SCN4A: variants seen among roughly 807,000 people sequenced by gnomAD.
SCN4A encodes sodium voltage-gated channel alpha subunit 4.
A neutral mutation model predicts 162.0 loss-of-function variants in SCN4A; 83 were observed. The observed-to-expected ratio is 0.51, with a 90% CI of 0.43 to 0.61. The LOEUF (loss-of-function observed/expected upper bound fraction) is 0.61, where lower values mean the gene tolerates loss of function less well. SCN4A is among the 20% of genes least tolerant of loss of function. The probability of loss-of-function intolerance (pLI) is 0.00; values close to 1 mark genes in which losing one functional copy is unlikely to be tolerated. For missense variants in SCN4A, 2,196 were observed against 2,462.5 expected, an observed-to-expected ratio of 0.89 and a Z score of 2.29; for synonymous variants, 944 against 985.1, an observed-to-expected ratio of 0.96 and a Z score of 0.78.
chr17:63,946,338 G>T lies in SCN4A; in HGVS notation c.3442-700C>A, dbSNP rs561099959. On this transcript the variant is annotated intron_variant, in intron 18 of 23. Transcript: ENST00000435607. ...GGGCCCAGCATTCGGCTGGCCTCTT[G>T]CAGGGACAGGAAGGGGCCGCTTGGG... Among the ~76,000 whole-genome samples, 7 of 152,220 alleles carry T rather than the reference G, an allele frequency of 4.6e-5. No homozygotes were observed. The East Asian group carries it at 1.4e-3, about 30-fold the overall frequency.
At position 63,968,007 on chromosome 17, in the gene SCN4A, C is replaced by T. The variant is rs777233905; in HGVS notation, c.1036+16G>A. On this transcript the variant is annotated intron_variant, in intron 6 of 23. Transcript: ENST00000435607. ...GGGACAGGATCCCCCTTGCCCGTCACCCTCCCCATTCTTACCTTCATCACT... is the reference window on the plus strand; with the variant it reads ...GGGACAGGATCCCCCTTGCCCGTCATCCTCCCCATTCTTACCTTCATCACT... 13 of 1,607,970 alleles carry T rather than the reference C, an allele frequency of 8.1e-6. No individual in the cohort carries two copies. Among genetic ancestry groups the T allele is most frequent in the Middle Eastern group, 1.6e-4 (1 of 6,074 alleles).
At chr17:63,966,931 G>A (rs1331927441) in intron 6 of SCN4A, among the ~76,000 whole-genome samples, 1 of 151,876 alleles carries the variant, frequency 6.6e-6, no homozygotes, top group Admixed American at 6.6e-5. Flanking sequence ...TAATTTGCAA[G>A]AAGGCGCTAT....
At position 63,956,624 on chromosome 17, in the gene SCN4A, A is replaced by G. The variant is rs61650827; in HGVS notation, c.2376+538T>C. ...GCCAGGAGGCCCAGGTTCCCCCACA[A>G]AACTGTGCCTTTGTACACACTATGG... On this transcript the variant is annotated intron_variant, in intron 13 of 23. Transcript: ENST00000435607. Among the ~76,000 whole-genome samples the G allele has an allele frequency of 4.1e-3, 619 of 152,368 alleles. 3 individuals are homozygous for G. Among genetic ancestry groups the G allele is most frequent in the African/African-American group, 0.014 (574 of 41,574 alleles).
rs368163023 is a variant in SCN4A at position 63,972,515 on chromosome 17, G to T, written c.274-45C>A. The T allele has an allele frequency of 1.0e-5, 16 of 1,605,454 alleles. No homozygotes were observed. In the African/African-American group the frequency reaches 1.2e-4, roughly 12 times the overall value. On this transcript the variant is annotated intron_variant, in intron 1 of 23. Transcript: ENST00000435607. The surrounding 1 kb of genome is among the most constrained non-coding windows in gnomAD (Gnocchi z 4.3). ...GTGAGACCCAGGGACAGACAGACAG[G>T]CAGACAGATGGATGGATGGCAGACA... is the stretch of plus-strand genomic sequence containing the variant.
intron 7 of SCN4A, 21 bp downstream of exon 7, chr17:63,966,460 G>A: frequency 6.2e-7 from 1 of 1,610,534 alleles, no homozygotes; most frequent in South Asian, 1.1e-5. Flanking sequence ...TGCCTTTTCT[G>A]CATCCCTTAG....
chr17:63,949,480 C>T lies in SCN4A; in HGVS notation c.2902G>A (p.Ala968Thr). The T allele has an allele frequency of 6.2e-7, 1 of 1,612,698 alleles. No individual in the cohort carries two copies. The highest frequency in any genetic ancestry group is 1.7e-5 in the Admixed American group (1 of 59,902). Residue 968 changes from alanine (A) to threonine (T), a missense_variant, in exon 15 of 24, where the codon GCT (alanine) becomes ACT (threonine). Ala to Thr is a moderately conservative substitution (Grantham distance 58). Coordinates refer to ENST00000435607, the MANE Select transcript of SCN4A (RefSeq NM_000334.4). ...YDGNSSVCST[A>T]DYKPPEEDPE... ...TCCTCCTCGGGGGGCTTGTAGTCAG[C>T]TGTGCTGCAGACGGACGAGTTCCCA...
chr17:63,967,945 A>AT, intron 6 of SCN4A, 78 bp downstream of exon 6: 4 of 1,294,192 alleles, frequency 3.1e-6, no homozygotes, highest in Non-Finnish European at 4.3e-6. Flanking sequence ...AAAAAAAAAA[A>AT]AAAGAAAATG....
rs1251981271 is a variant in SCN4A at position 63,940,751 on chromosome 17, G to A, written c.*20C>T. ...CTGGGGACTATGCCGAGACTCAGTG[G>A]GCCACCCCGATGCTGCCTGCTAGAC... On this transcript the variant is annotated 3_prime_UTR_variant, in exon 24 of 24. Transcript: ENST00000435607. 6.5e-7 allele frequency: 1 copy of A among 1,538,454 alleles called. No individual in the cohort carries two copies. Among genetic ancestry groups the A allele is most frequent in the African/African-American group, 1.4e-5 (1 of 72,338 alleles).
rs892714489 is a variant in SCN4A, at chr17:63,939,156, T to A, written c.*1615A>T. 1 of 152,688 alleles carries A rather than the reference T, an allele frequency of 6.5e-6. No homozygotes were observed. The highest frequency in any genetic ancestry group is 1.5e-5 in the Non-Finnish European group (1 of 68,088). 9.5% of individuals were successfully genotyped at this position (152,688 alleles called of 1,614,324 possible). ...TGAAGGTTTTGCTGCTTCCTGAATTTTAATCAAACTTTTCATGAGAAACAA... is the reference window on the plus strand; with the variant it reads ...TGAAGGTTTTGCTGCTTCCTGAATTATAATCAAACTTTTCATGAGAAACAA... On this transcript the variant is annotated 3_prime_UTR_variant, in exon 24 of 24. Transcript: ENST00000435607.
Position 63,941,212 on chromosome 17 carries a change from G to A in SCN4A, c.5070C>T (p.Asp1690=), listed in dbSNP as rs757682772. 1.9e-6 allele frequency: 3 copies of A among 1,613,734 alleles called. No individual in the cohort carries two copies. The East Asian group carries it at 6.7e-5, about 36-fold the overall frequency. Residue 1690 remains aspartate, a synonymous_variant, in exon 24 of 24, where the codon GAC becomes GAT. Coordinates refer to ENST00000435607, the MANE Select transcript of SCN4A (RefSeq NM_000334.4). This position sits in a 1 kb window ranked among gnomAD's most constrained non-coding sequence, Gnocchi z 6.2. ...LFALTKEVLG[D]SGEMDALKQT... is the part of the protein sequence containing the mutation. ...GCTTGAGGGCGTCCATTTCCCCAGA[G>A]TCACCCAGGACCTCTTTGGTCAGGG...
rs1001030620 is a variant in SCN4A at position 63,955,789 on chromosome 17, T to G, written c.2376+1373A>C. On this transcript the variant is annotated intron_variant, in intron 13 of 23. Transcript: ENST00000435607. ...GGGACAGGAGGCCTGGGTTCTCCTC[T>G]GTAGCTGCAGCATAGTCTTCTTCTG... 4.6e-5 allele frequency among the ~76,000 whole-genome samples: 7 copies of G among 152,162 alleles called. No individual in the cohort carries two copies. In the East Asian group the frequency reaches 5.8e-4, roughly 13 times the overall value.
At position 63,947,122 on chromosome 17, in the gene SCN4A, G is replaced by A; in HGVS notation, c.3364C>T (p.Leu1122=). ...LVANWLGYSE[L]GPIKSLRTLR... is the part of the protein sequence containing the mutation. ...GTCCGCAGGGATTTGATGGGTCCCA[G>A]CTCCGAGTAGCCCAGCCAGTTGGCC... Residue 1122 remains leucine, a synonymous_variant, in exon 18 of 24, where the codon CTG becomes TTG. Transcript: ENST00000435607. The A allele has an allele frequency of 6.2e-7, 1 of 1,609,996 alleles. No homozygotes were observed.
chr17:63,949,429 G>A lies in SCN4A; in HGVS notation c.2953C>T (p.Pro985Ser), dbSNP rs1322343855. The A allele has an allele frequency of 5.6e-6, 9 of 1,599,970 alleles. No individual in the cohort carries two copies. The highest frequency in any genetic ancestry group is 1.1e-5 in the South Asian group (1 of 88,882). ...EDPEEQAEEN[P>S]EGEQPEECFT... ...CACTCCTCAGGCTGCTCCCCCTCGGGGTTCTCCTCTGCCTGCTCCTCAGGG... is the reference window on the plus strand; with the variant it reads ...CACTCCTCAGGCTGCTCCCCCTCGGAGTTCTCCTCTGCCTGCTCCTCAGGG... Residue 985 changes from proline (P) to serine (S), a missense_variant, in exon 15 of 24, where the codon CCC becomes TCC. Physicochemically the swap from Pro to Ser is moderately conservative, Grantham distance 74 (BLOSUM62 -1). Coordinates refer to ENST00000435607, the MANE Select transcript of SCN4A (RefSeq NM_000334.4).
At chr17:63,948,870 C>G in intron 15 of SCN4A, 105 bp from the exon 16 acceptor site, 1 of 1,063,676 alleles carries the variant, frequency 9.4e-7, no homozygotes, top group Non-Finnish European at 1.3e-6. Context: ...ATGCCCCTCT[C>G]CAGCTCCCAG....
Position 63,945,075 on chromosome 17 carries a change from T to G in SCN4A, c.3721-15A>C, listed in dbSNP as rs764774323. 8 of 1,611,944 alleles carry G rather than the reference T, an allele frequency of 5.0e-6. No homozygotes were observed. Among genetic ancestry groups the G allele is most frequent in the Non-Finnish European group, 5.9e-6 (7 of 1,178,992 alleles). On this transcript the variant is annotated splice_polypyrimidine_tract_variant and intron_variant, in intron 19 of 23. Coordinates refer to ENST00000435607, the MANE Select transcript of SCN4A (RefSeq NM_000334.4). The surrounding 1 kb of genome is among the most constrained non-coding windows in gnomAD (Gnocchi z 4.4). Reference sequence around the variant, plus strand: ...TTGAAGGTGGCCTGAGAGAGTGTGGTTGGGGAGTGAGCCGGGGGGCTGCTC... The same window carrying G: ...TTGAAGGTGGCCTGAGAGAGTGTGGGTGGGGAGTGAGCCGGGGGGCTGCTC...
intron 17 of SCN4A, 26 bp from the exon 18 acceptor site, chr17:63,947,193 G>C (rs11872017): frequency 1.2e-6 from 2 of 1,611,880 alleles, no homozygotes; most frequent in African/African-American, 2.7e-5. Context: ...GAGGGGATCA[G>C]TGCGTGCAAG....
Position 63,951,284 on chromosome 17 carries a change from C to T in SCN4A, c.2853+140G>A. 1 of 633,196 alleles carries T rather than the reference C, an allele frequency of 1.6e-6. No individual in the cohort carries two copies. The highest frequency in any genetic ancestry group is 2.7e-6 in the Non-Finnish European group (1 of 364,152). The allele number at this position is 633,196 out of a possible 1,614,324, so 39.2% of individuals were successfully genotyped here. ...TGCATGCTTTACATACAGCGTCTCACATAATGCTTGCAACAATGCCATAGG... is the reference window on the plus strand; with the variant it reads ...TGCATGCTTTACATACAGCGTCTCATATAATGCTTGCAACAATGCCATAGG... On this transcript the variant is annotated intron_variant, in intron 14 of 23. Transcript: ENST00000435607. This position sits in a 1 kb window ranked among gnomAD's most constrained non-coding sequence, Gnocchi z 4.5.
intron 13 of SCN4A, among the ~76,000 whole-genome samples, chr17:63,952,736 T>C (rs898099896): frequency 6.6e-6 from 1 of 151,436 alleles, no homozygotes; most frequent in African/African-American, 2.4e-5. Context: ...CGGAAAGACT[T>C]AGGAGGCTAC....
chr17:63,965,824 A>C (rs747235254), intron 8 of SCN4A, among the ~76,000 whole-genome samples: 5 of 152,204 alleles, frequency 3.3e-5, no homozygotes, highest in Non-Finnish European at 7.4e-5. Flanking sequence ...ACTGGCTATC[A>C]TGAGGCCTAG....
Sources: allele counts gnomAD v4.1 joint callset (sites outside exome capture counted in the v4.1 genomes callset), GRCh38; gene constraint gnomAD v4.1.1; non-coding constraint Gnocchi (gnomAD v3.1); transcripts MANE v1.5; gene names NCBI Gene and HGNC (gene_info 2026-07-23, HGNC 2026-07-21).